The following FNDC3B variants were observed in gnomAD, a reference collection of about 807,000 sequenced individuals.
FNDC3B encodes the protein fibronectin type III domain containing 3B, also known as fibronectin type III domain-containing protein 3B.
In FNDC3B, 12 loss-of-function variants were observed where a neutral mutation model predicts 151.5. The observed-to-expected ratio is 0.08, with a 90% CI of 0.05 to 0.13. The LOEUF (loss-of-function observed/expected upper bound fraction) is 0.13, where lower values mean the gene tolerates loss of function less well. Among genes scored for constraint, FNDC3B ranks in the 10% least tolerant of loss-of-function variants. FNDC3B has a pLI of 1.00. For synonymous variants in FNDC3B, 528 were observed against 549.0 expected (o/e 0.96, Z 0.54); for missense variants, 1,214 against 1,505.3 (o/e 0.81, Z 3.20).
chr3:172,106,124 A>G (rs1302146187), intron 1 of FNDC3B, among the ~76,000 whole-genome samples: 1 of 152,198 alleles, frequency 6.6e-6, no homozygotes, highest in Non-Finnish European at 1.5e-5. Flanking sequence ...GTGAAAAGTT[A>G]AAACTGAACA....
intron 6 of FNDC3B, among the ~76,000 whole-genome samples, chr3:172,278,470 G>A (rs534863235): frequency 6.6e-6 from 1 of 152,316 alleles, no homozygotes; most frequent in East Asian, 1.9e-4. Context: ...AGCAGTATCT[G>A]GCAGAGGTTA....
intron 1 of FNDC3B, among the ~76,000 whole-genome samples, chr3:172,077,257 G>T (rs1249550257): frequency 1.3e-5 from 2 of 152,160 alleles, no homozygotes; most frequent in Non-Finnish European, 2.9e-5. Context: ...TTACCTTTTA[G>T]AAACTAGTCT....
chr3:172,065,524 C>T (rs1017462940), intron 1 of FNDC3B, among the ~76,000 whole-genome samples: 4 of 152,252 alleles, frequency 2.6e-5, no homozygotes, highest in Middle Eastern at 3.4e-3. Flanking sequence ...GTGACAGGAT[C>T]GCTGTTCAGT....
intron 1 of FNDC3B, among the ~76,000 whole-genome samples, chr3:172,043,951 C>T (rs1317814327): frequency 6.6e-6 from 1 of 152,170 alleles, no homozygotes; most frequent in African/African-American, 2.4e-5. Context: ...CGCGTCCATC[C>T]GTTCATTGGA....
At chr3:172,385,525 CT>C (rs1431017280) in intron 25 of FNDC3B, among the ~76,000 whole-genome samples, 2 of 151,868 alleles carry the variant, frequency 1.3e-5, no homozygotes, top group Non-Finnish European at 2.9e-5. Flanking sequence ...AAAATCACCC[CT>C]AATAGGATAA....
At chr3:172,229,471 A>G (rs183775431) in intron 4 of FNDC3B, among the ~76,000 whole-genome samples, 199 of 152,304 alleles carry the variant, frequency 1.3e-3, no homozygotes, top group African/African-American at 4.2e-3. Context: ...AATACTCTAG[A>G]GCCTTTCATT....
chr3:172,120,407 G>A (rs749160808), intron 2 of FNDC3B, among the ~76,000 whole-genome samples: 4 of 152,086 alleles, frequency 2.6e-5, no homozygotes, highest in Non-Finnish European at 5.9e-5. Context: ...GTTAACTCAG[G>A]GTGGGTAGGG....
chr3:172,067,253 G>A (rs1479133447), intron 1 of FNDC3B, among the ~76,000 whole-genome samples: 2 of 152,194 alleles, frequency 1.3e-5, no homozygotes, highest in African/African-American at 4.8e-5. Context: ...ATAATGTGGC[G>A]CTGTAATTAG....
chr3:172,260,400 A>G (rs987803967), intron 6 of FNDC3B, among the ~76,000 whole-genome samples: 13 of 152,254 alleles, frequency 8.5e-5, no homozygotes, highest in Non-Finnish European at 1.9e-4. Flanking sequence ...TGGGCATGAT[A>G]GTTCATCTTT....
chr3:172,340,692 T>C (rs1733261798), intron 16 of FNDC3B, among the ~76,000 whole-genome samples: 1 of 152,186 alleles, frequency 6.6e-6, no homozygotes, highest in Admixed American at 6.5e-5. Context: ...GAGAAATTCT[T>C]GCGTACCACC....
intron 7 of FNDC3B, among the ~76,000 whole-genome samples, chr3:172,288,948 C>T (rs112599575): frequency 0.018 from 2,719 of 152,274 alleles, 36 homozygotes; most frequent in Non-Finnish European, 0.025. Context: ...CATGCTTGTT[C>T]GTGCCTCCTG....
intron 3 of FNDC3B, among the ~76,000 whole-genome samples, chr3:172,210,473 C>T (rs1725681218): frequency 6.6e-6 from 1 of 152,122 alleles, no homozygotes; most frequent in Non-Finnish European, 1.5e-5. Context: ...CCCAAGTATG[C>T]TGGGACTACA....
intron 13 of FNDC3B, among the ~76,000 whole-genome samples, chr3:172,331,640 G>A (rs1732675363): frequency 6.6e-6 from 1 of 152,042 alleles, no homozygotes; most frequent in Non-Finnish European, 1.5e-5. Context: ...GATTACAGGT[G>A]TGAGCCACCG....
At chr3:172,314,959 T>G (rs982237425) in intron 11 of FNDC3B, among the ~76,000 whole-genome samples, 1 of 152,234 alleles carries the variant, frequency 6.6e-6, no homozygotes, top group African/African-American at 2.4e-5. Flanking sequence ...AATTACTCAT[T>G]AATAGTTCTA....
intron 3 of FNDC3B, among the ~76,000 whole-genome samples, chr3:172,153,408 C>T (rs905341511): frequency 6.6e-6 from 1 of 152,192 alleles, no homozygotes; most frequent in Non-Finnish European, 1.5e-5. Flanking sequence ...GGCCTCTGTC[C>T]TGCATGTGCT....
At chr3:172,238,833 A>G (rs960494686) in intron 4 of FNDC3B, among the ~76,000 whole-genome samples, 2 of 152,214 alleles carry the variant, frequency 1.3e-5, no homozygotes, top group Admixed American at 1.3e-4. Context: ...TAGAACTTAC[A>G]CTGGAGATGT....
At chr3:172,126,373 A>G (rs1407789558) in intron 2 of FNDC3B, among the ~76,000 whole-genome samples, 1 of 152,176 alleles carries the variant, frequency 6.6e-6, no homozygotes, top group Admixed American at 6.5e-5. Flanking sequence ...AAGAATTGGA[A>G]TAATCTGTTC....
Position 172,285,917 on chromosome 3 carries a change from G to A in FNDC3B, c.791-9G>A, listed in dbSNP as rs764195594. The A allele has an allele frequency of 2.2e-5, 36 of 1,609,860 alleles. No homozygotes were observed. The highest frequency in any genetic ancestry group is 1.3e-4 in the South Asian group (12 of 90,446). On this transcript the variant is annotated splice_polypyrimidine_tract_variant and intron_variant, in intron 6 of 25. Transcript: ENST00000415807. ...TATTGTTTTTCCTTTTTTCTTTTTC[G>A]CAATGCAGAATATGAGTTGGAAGTA...
chr3:172,087,727 C>T (rs1461462134), intron 1 of FNDC3B, among the ~76,000 whole-genome samples: 1 of 152,048 alleles, frequency 6.6e-6, no homozygotes, highest in Non-Finnish European at 1.5e-5. Flanking sequence ...AAATCAAACC[C>T]TCACTGGGGA....
Sources: allele counts gnomAD v4.1 joint callset (sites outside exome capture counted in the v4.1 genomes callset), GRCh38; gene constraint gnomAD v4.1.1; transcripts MANE v1.5; gene names NCBI Gene and HGNC (gene_info 2026-07-23, HGNC 2026-07-21).